Variants in BICC1 observed in about 807,000 individuals in gnomAD.
BICC1 encodes protein bicaudal C homolog 1.
Under a neutral mutation model 111.0 loss-of-function variants are expected in BICC1, and 43 were observed. That is an observed-to-expected ratio of 0.39 (90% CI 0.30 to 0.50). The LOEUF is 0.50. BICC1 is among the 20% of genes least tolerant of loss of function. The pLI is 0.88. For missense variants in BICC1, 1,091 were observed against 1,203.2 expected (o/e 0.91, Z 1.38); for synonymous variants, 467 against 434.4 (o/e 1.07, Z -0.93).
intron 3 of BICC1, among the ~76,000 whole-genome samples, chr10:58,730,554 C>T (rs547378207): frequency 6.6e-6 from 1 of 152,220 alleles, no homozygotes; most frequent in African/African-American, 2.4e-5. Flanking sequence ...CACATTTCTC[C>T]TCCACACTAC....
chr10:58,819,963 C>T, intron 19 of BICC1, among the ~76,000 whole-genome samples: 1 of 152,132 alleles, frequency 6.6e-6, no homozygotes, highest in East Asian at 1.9e-4. Flanking sequence ...CCTTTCAATC[C>T]TGTGTTGAAC....
intron 3 of BICC1, among the ~76,000 whole-genome samples, chr10:58,764,678 T>C (rs930838396): frequency 1.4e-4 from 22 of 151,758 alleles, no homozygotes; most frequent in African/African-American, 5.1e-4. Flanking sequence ...TCCACTTTCT[T>C]TCTCCTAAAA....
chr10:58,681,930 A>G (rs547492295), intron 2 of BICC1, among the ~76,000 whole-genome samples: 1 of 151,936 alleles, frequency 6.6e-6, no homozygotes, highest in South Asian at 2.1e-4. Context: ...GGTTTGTCAC[A>G]TATGTATACA....
intron 1 of BICC1, among the ~76,000 whole-genome samples, chr10:58,544,082 T>C (rs927639705): frequency 1.3e-5 from 2 of 152,122 alleles, no homozygotes; most frequent in Non-Finnish European, 1.5e-5. Flanking sequence ...CATTGGAACC[T>C]GAACCATGAG....
chr10:58,676,776 G>C (rs867782574), intron 2 of BICC1, among the ~76,000 whole-genome samples: 2 of 152,162 alleles, frequency 1.3e-5, no homozygotes, highest in Admixed American at 1.3e-4. Context: ...TACAGGGGTC[G>C]ACAGAAAACT....
intron 2 of BICC1, among the ~76,000 whole-genome samples, chr10:58,662,930 T>G (rs1365472618): frequency 1.3e-5 from 2 of 152,198 alleles, no homozygotes. Flanking sequence ...AAATTCTTTT[T>G]TATCCAGTGT....
At chr10:58,551,140 G>T (rs1464443341) in intron 1 of BICC1, among the ~76,000 whole-genome samples, 5 of 152,010 alleles carry the variant, frequency 3.3e-5, no homozygotes, top group Non-Finnish European at 5.9e-5. Flanking sequence ...CATAAAAGCA[G>T]GGCTTTTAAA....
chr10:58,789,638 C>A (rs374597697), intron 7 of BICC1, 44 bp from the exon 8 acceptor site: 7 of 1,603,822 alleles, frequency 4.4e-6, no homozygotes, highest in Non-Finnish European at 6.0e-6. Flanking sequence ...CGTATATGAA[C>A]AGTTAATGTA....
intron 2 of BICC1, among the ~76,000 whole-genome samples, chr10:58,683,335 C>G (rs772581741): frequency 6.6e-6 from 1 of 152,120 alleles, no homozygotes; most frequent in Non-Finnish European, 1.5e-5. Flanking sequence ...CAGTTTTGTT[C>G]TTTTTGCTTA....
At chr10:58,597,226 C>T (rs1365611882) in intron 1 of BICC1, among the ~76,000 whole-genome samples, 1 of 152,076 alleles carries the variant, frequency 6.6e-6, no homozygotes, top group Non-Finnish European at 1.5e-5. Context: ...TAGGAATCAC[C>T]ATGATTCCTG....
chr10:58,635,588 C>A (rs1837929477), intron 2 of BICC1, among the ~76,000 whole-genome samples: 1 of 152,100 alleles, frequency 6.6e-6, no homozygotes, highest in Non-Finnish European at 1.5e-5. Flanking sequence ...CAACTGTTAC[C>A]TTTTTATATC....
chr10:58,612,298 C>A (rs897155730), intron 1 of BICC1, among the ~76,000 whole-genome samples: 8 of 152,160 alleles, frequency 5.3e-5, no homozygotes, highest in African/African-American at 1.9e-4. Flanking sequence ...TAAAAAGTTT[C>A]TCTGGGAATG....
rs61181784 is a variant in BICC1 at position 58,771,519 on chromosome 10, A to C, written c.308-13482A>C. 8.2e-4 allele frequency among the ~76,000 whole-genome samples: 125 copies of C among 152,222 alleles called. 1 individual carries two copies. Among genetic ancestry groups the C allele is most frequent in the Middle Eastern group, 3.4e-3 (1 of 294 alleles). ...GGAACAAGCAGTGTCACGGGAAACC[A>C]GCGGAGGTAGAGATTTACTTTGCAC... On this transcript the variant is annotated intron_variant, in intron 3 of 20. Transcript: ENST00000373886.
At chr10:58,730,817 G>A (rs969180440) in intron 3 of BICC1, among the ~76,000 whole-genome samples, 5 of 152,088 alleles carry the variant, frequency 3.3e-5, no homozygotes, top group Non-Finnish European at 5.9e-5. Context: ...GATACTGGGA[G>A]CAGTGTTCTA....
intron 20 of BICC1, chr10:58,824,130 C>A: frequency 1.0e-6 from 1 of 981,020 alleles, no homozygotes; most frequent in Non-Finnish European, 1.2e-6. Flanking sequence ...GATTTGTATT[C>A]CTGATGCCTT....
intron 1 of BICC1, among the ~76,000 whole-genome samples, chr10:58,602,395 A>G (rs1845070442): frequency 6.6e-6 from 1 of 152,290 alleles, no homozygotes; most frequent in South Asian, 2.1e-4. Context: ...GCCAAAGACT[A>G]TTACCTAAAA....
At chr10:58,764,397 C>G (rs1188759214) in intron 3 of BICC1, among the ~76,000 whole-genome samples, 1 of 152,122 alleles carries the variant, frequency 6.6e-6, no homozygotes, top group Admixed American at 6.5e-5. Context: ...GTACCCTGTT[C>G]TCGACACATT....
chr10:58,717,097 G>A (rs1345446521), intron 3 of BICC1, among the ~76,000 whole-genome samples: 1 of 152,136 alleles, frequency 6.6e-6, no homozygotes, highest in East Asian at 1.9e-4. Flanking sequence ...ACTTTGGCTT[G>A]GGAGAGGAAT....
At chr10:58,632,029 A>AG (rs970089167) in intron 2 of BICC1, among the ~76,000 whole-genome samples, 4 of 152,248 alleles carry the variant, frequency 2.6e-5, no homozygotes, top group Admixed American at 1.3e-4. Flanking sequence ...GTATGTTGAG[A>AG]GGGGAAGGTA....
Sources: allele counts gnomAD v4.1 joint callset (sites outside exome capture counted in the v4.1 genomes callset), GRCh38; gene constraint gnomAD v4.1.1; transcripts MANE v1.5; gene names NCBI Gene and HGNC (gene_info 2026-07-23, HGNC 2026-07-21).